The following NRG4 variants were observed in gnomAD, a reference collection of about 807,000 sequenced individuals.
NRG4 encodes the protein pro-neuregulin-4, membrane-bound isoform.
In NRG4, 10 loss-of-function variants were observed where a neutral mutation model predicts 15.0. The ratio of observed to expected loss-of-function variants is 0.67; its 90% CI spans 0.41 to 1.13. NRG4 has a LOEUF of 1.13. NRG4 is among the 50% of genes most tolerant of loss of function. The pLI is 0.00. For synonymous variants in NRG4, 41 were observed against 50.1 expected, an observed-to-expected ratio of 0.82 and a Z score of 0.77; for missense variants, 139 against 140.2, an observed-to-expected ratio of 0.99 and a Z score of 0.04.
chr15:75,991,281 G>A (rs570573767), intron 3 of NRG4, among the ~76,000 whole-genome samples: 1 of 152,202 alleles, frequency 6.6e-6, no homozygotes, highest in African/African-American at 2.4e-5. Context: ...GTGTGCCTTT[G>A]TTCCTATAGA....
At chr15:75,943,683 C>T in intron 5 of NRG4, 29 bp from the exon 6 acceptor site, 1 of 1,488,544 alleles carries the variant, frequency 6.7e-7, no homozygotes, top group Non-Finnish European at 9.4e-7. Context: ...AATTAAGATG[C>T]TTTCTCCATT....
chr15:76,020,602 G>GA (rs138076806), intron 5 of NRG4, among the ~76,000 whole-genome samples: 6,926 of 151,418 alleles, frequency 0.046, 283 homozygotes, highest in African/African-American at 0.11. Flanking sequence ...TAGCTGATGA[G>GA]AAAAAAAAAT....
chr15:76,018,077 A>G (rs556445243), intron 5 of NRG4, among the ~76,000 whole-genome samples: 3 of 151,958 alleles, frequency 2.0e-5, no homozygotes, highest in Admixed American at 6.6e-5. Flanking sequence ...CATTAAGTTG[A>G]TCTTCAATCT....
intron 3 of NRG4, among the ~76,000 whole-genome samples, chr15:76,008,048 T>C (rs2034671150): frequency 6.6e-6 from 1 of 152,222 alleles, no homozygotes; most frequent in Non-Finnish European, 1.5e-5. Flanking sequence ...TATATCTAGA[T>C]GTGATGGTGG....
At chr15:75,994,182 C>CG (rs1277661269) in intron 3 of NRG4, among the ~76,000 whole-genome samples, 4 of 152,190 alleles carry the variant, frequency 2.6e-5, no homozygotes, top group Non-Finnish European at 5.9e-5. Flanking sequence ...ACTCTAAACT[C>CG]TATCTCTCCT....
chr15:76,000,271 C>T (rs1345420316), intron 3 of NRG4, among the ~76,000 whole-genome samples: 1 of 152,014 alleles, frequency 6.6e-6, no homozygotes, highest in Non-Finnish European at 1.5e-5. Context: ...CAGAAAACAA[C>T]TGCATGGAAA....
intron 2 of NRG4, among the ~76,000 whole-genome samples, chr15:76,009,912 A>G (rs1444875740): frequency 6.6e-6 from 1 of 152,218 alleles, no homozygotes; most frequent in Non-Finnish European, 1.5e-5. Flanking sequence ...AAGCTAAGTC[A>G]TAGCTTGATA....
chr15:75,945,267 TTATTTTA>T (rs1237844692), intron 5 of NRG4, among the ~76,000 whole-genome samples: 1 of 125,350 alleles, frequency 8.0e-6, no homozygotes, highest in Non-Finnish European at 1.8e-5. Context: ...TCATTTATTT[TTATTTTA>T]TTTTTTTTGT....
At chr15:75,948,980 G>T (rs968712760) in intron 5 of NRG4, among the ~76,000 whole-genome samples, 8 of 152,220 alleles carry the variant, frequency 5.3e-5, no homozygotes, top group Non-Finnish European at 1.0e-4. Flanking sequence ...GAGTGCAGGA[G>T]CTCAAGGTTG....
intron 3 of NRG4, among the ~76,000 whole-genome samples, chr15:75,993,653 C>T (rs2034109585): frequency 1.3e-5 from 2 of 151,290 alleles, no homozygotes; most frequent in South Asian, 2.1e-4. Context: ...GAGCTGAGAT[C>T]GTGCCACTGC....
chr15:76,010,414 C>T (rs1261485051), intron 2 of NRG4, among the ~76,000 whole-genome samples: 1 of 152,010 alleles, frequency 6.6e-6, no homozygotes, highest in Non-Finnish European at 1.5e-5. Flanking sequence ...ATTTATGTGC[C>T]ACTAAGATAT....
chr15:76,019,633 G>A (rs1045954340), intron 5 of NRG4, among the ~76,000 whole-genome samples: 4 of 152,252 alleles, frequency 2.6e-5, no homozygotes, highest in Admixed American at 6.5e-5. Context: ...CCGGTGAGGC[G>A]ACACCCCACC....
chr15:76,004,418 T>C (rs889362235), intron 3 of NRG4, among the ~76,000 whole-genome samples: 1 of 151,722 alleles, frequency 6.6e-6, no homozygotes, highest in Non-Finnish European at 1.5e-5. Flanking sequence ...CTGACCAAAA[T>C]GGAGAAATCT....
At chr15:76,047,186 A>G (rs1417980932) in intron 4 of NRG4, among the ~76,000 whole-genome samples, 1 of 150,928 alleles carries the variant, frequency 6.6e-6, no homozygotes, top group Non-Finnish European at 1.5e-5. Flanking sequence ...AATGTAAATT[A>G]GTACAACCTC....
intron 5 of NRG4, among the ~76,000 whole-genome samples, chr15:76,025,052 C>T (rs1424170265): frequency 1.3e-5 from 2 of 152,086 alleles, no homozygotes; most frequent in Non-Finnish European, 2.9e-5. Flanking sequence ...AGTAATTCTC[C>T]AGTAAGATTC....
chr15:76,014,598 G>A (rs2034919143), upstream of NRG4, among the ~76,000 whole-genome samples: 1 of 152,164 alleles, frequency 6.6e-6, no homozygotes, highest in Non-Finnish European at 1.5e-5. Flanking sequence ...TATTAAATAG[G>A]AAATCCTTTC....
intron 4 of NRG4, among the ~76,000 whole-genome samples, chr15:76,045,188 G>C (rs2035840049): frequency 1.3e-5 from 2 of 150,908 alleles, no homozygotes; most frequent in South Asian, 4.2e-4. Flanking sequence ...ATATGAAAAG[G>C]TGCTCAACAT....
chr15:76,038,507 A>G (rs2035649955), intron 4 of NRG4, among the ~76,000 whole-genome samples: 1 of 152,234 alleles, frequency 6.6e-6, no homozygotes, highest in East Asian at 1.9e-4. Context: ...GGTAGTGACC[A>G]TAAGGTGAGG....
At chr15:75,999,104 T>C (rs1205707433) in intron 3 of NRG4, among the ~76,000 whole-genome samples, 1 of 152,226 alleles carries the variant, frequency 6.6e-6, no homozygotes, top group Non-Finnish European at 1.5e-5. Flanking sequence ...GAGTTTCACA[T>C]ATAACAAAGT....
Sources: allele counts gnomAD v4.1 joint callset (sites outside exome capture counted in the v4.1 genomes callset), GRCh38; gene constraint gnomAD v4.1.1; transcripts MANE v1.5; gene names NCBI Gene and HGNC (gene_info 2026-07-23, HGNC 2026-07-21).